KDM5B: variants seen among roughly 807,000 people sequenced by gnomAD.
The protein encoded by KDM5B is lysine-specific demethylase 5B.
In KDM5B, 144 loss-of-function variants were observed where a neutral mutation model predicts 193.4. That is an observed-to-expected ratio of 0.74 (90% CI 0.65 to 0.86). The LOEUF is 0.86. KDM5B is among the 40% of genes least tolerant of loss of function. KDM5B has a pLI of 0.00. For missense variants in KDM5B, 1,833 were observed against 1,886.9 expected (o/e 0.97, Z 0.53); for synonymous variants, 668 against 682.6 (o/e 0.98, Z 0.33).
Position 202,742,463 on chromosome 1 carries a change from C to T in KDM5B, c.2517G>A (p.Val839=). The T allele has an allele frequency of 6.2e-7, 1 of 1,614,140 alleles. No individual in the cohort carries two copies. The highest frequency in any genetic ancestry group is 8.5e-7 in the Non-Finnish European group (1 of 1,180,044). ...GGGKSQNQLT[V]NELRQFVTQL... The stretch of plus-strand genomic sequence containing the variant: ...GTGTTACAAACTGCCGGAGCTCATT[C>T]ACTGTCAACTGATTTTGGGATTTCC... Residue 839 remains valine (V), a synonymous_variant, in exon 18 of 27, where the codon GTG becomes GTA. Coordinates refer to ENST00000367265, the MANE Select transcript of KDM5B (RefSeq NM_006618.5).
At chr1:202,732,489 A>T (rs1434840842) in intron 23 of KDM5B, among the ~76,000 whole-genome samples, 2 of 152,180 alleles carry the variant, frequency 1.3e-5, no homozygotes, top group African/African-American at 4.8e-5. Context: ...CAATGACTCC[A>T]CTTTGGGAGT....
chr1:202,786,860 A>C (rs1411614089), intron 1 of KDM5B, among the ~76,000 whole-genome samples: 1 of 152,136 alleles, frequency 6.6e-6, no homozygotes, highest in Non-Finnish European at 1.5e-5. Context: ...CAGCCTGACC[A>C]ACATGCAGAA....
chr1:202,760,324 A>G, intron 8 of KDM5B, 91 bp downstream of exon 8: 3 of 902,272 alleles, frequency 3.3e-6, no homozygotes, highest in Non-Finnish European at 4.9e-6. Flanking sequence ...TAAAAAAAAT[A>G]AAATAAAATA....
In KDM5B at chr1:202,729,771, TC is replaced by T; in HGVS notation, c.4432del (p.Glu1478LysfsTer13). 6.2e-7 allele frequency: 1 copy of T among 1,614,056 alleles called. No individual in the cohort carries two copies. The highest frequency in any genetic ancestry group is 8.5e-7 in the Non-Finnish European group (1 of 1,179,904). ...LPSDTSYSEQ[E>X]DSEDEDAICP... ...GATGGCATCTTCATCCTCAGAGTCTTCCTGTTCGGAATAGGATGTGTCTGAG... is the reference window on the plus strand; with the variant it reads ...GATGGCATCTTCATCCTCAGAGTCTTCTGTTCGGAATAGGATGTGTCTGAG... On this transcript the variant is annotated frameshift_variant, in exon 26 of 27. Transcript: ENST00000367265. LOFTEE classifies it high-confidence loss of function.
intron 20 of KDM5B, 96 bp downstream of exon 20, chr1:202,740,578 C>A (rs541660515): frequency 1.2e-5 from 13 of 1,127,740 alleles, no homozygotes; most frequent in African/African-American, 1.8e-5. Context: ...CTGGCCGGGT[C>A]GGGGGCTGAC....
At position 202,774,526 on chromosome 1, in the gene KDM5B, C is replaced by T. The variant is rs1167915472; in HGVS notation, c.405+87G>A. 5.4e-6 allele frequency: 7 copies of T among 1,297,034 alleles called. No homozygotes were observed. In the African/African-American group the frequency reaches 7.4e-5, roughly 14 times the overall value. The allele number at this position is 1,297,034 out of a possible 1,614,324, so 80.3% of individuals were successfully genotyped here. On this transcript the variant is annotated intron_variant, in intron 3 of 26. Transcript: ENST00000367265. ...TACAGGTGCGAGCCACCTGGCTGAG[C>T]AATAAGTTCCTTTTTAAGGCAAAGA...
At chr1:202,762,873 C>T in intron 6 of KDM5B, 65 bp from the exon 7 acceptor site, 1 of 793,696 alleles carries the variant, frequency 1.3e-6, no homozygotes, top group Non-Finnish European at 2.2e-6. Flanking sequence ...TCATCTCCCT[C>T]CCAAAGCACA....
Position 202,773,179 on chromosome 1 carries a change from CT to C in KDM5B, c.514del (p.Arg172GlufsTer20). The C allele has an allele frequency of 6.2e-7, 1 of 1,613,850 alleles. No homozygotes were observed. The highest frequency in any genetic ancestry group is 8.5e-7 in the Non-Finnish European group (1 of 1,179,714). On this transcript the variant is annotated frameshift_variant, in exon 4 of 27. Transcript: ENST00000367265. LOFTEE classifies it high-confidence loss of function. ...GTTGAGAATTCGTTCATAATGCCCTCTGATATGTGAGCCCACTGCTTTGCCA... is the reference window on the plus strand; with the variant it reads ...GTTGAGAATTCGTTCATAATGCCCTCGATATGTGAGCCCACTGCTTTGCCA... ...APGKAVGSHI[R>X]GHYERILNPY...
intron 2 of KDM5B, 102 bp from the exon 3 acceptor site, chr1:202,774,837 T>C: frequency 1.8e-6 from 2 of 1,115,838 alleles, no homozygotes; most frequent in South Asian, 1.5e-5. Flanking sequence ...ACAATACCAC[T>C]TAAAAAAATT....
rs1432665438 is a variant in KDM5B at position 202,753,037 on chromosome 1, T to C, written c.1569A>G (p.Pro523=). 4 of 1,614,012 alleles carry C rather than the reference T, an allele frequency of 2.5e-6. No individual in the cohort carries two copies. Among genetic ancestry groups the C allele is most frequent in the African/African-American group, 1.3e-5 (1 of 75,024 alleles). The change falls in exon 12 of 27, where the codon CCA becomes CCG. Residue 523 remains proline (P), a synonymous_variant. Coordinates refer to ENST00000367265, the MANE Select transcript of KDM5B (RefSeq NM_006618.5). ...WGEPKTWYGV[P]GYAAEQLENV... is the part of the protein sequence containing the mutation. ...TTTCTAGCTGCTCAGCAGCATACCC[T>C]GGGACTCCATACCAGGTTTTTGGCT... is the stretch of plus-strand genomic sequence containing the variant.
intron 1 of KDM5B, among the ~76,000 whole-genome samples, chr1:202,799,390 G>A (rs993581433): frequency 5.9e-5 from 9 of 151,858 alleles, no homozygotes; most frequent in Non-Finnish European, 1.0e-4. Context: ...GCGGTGGCTC[G>A]CGCCTGTAAT....
intron 1 of KDM5B, among the ~76,000 whole-genome samples, chr1:202,777,506 T>C (rs1285528780): frequency 2.0e-5 from 3 of 150,962 alleles, no homozygotes; most frequent in Admixed American, 2.0e-4. Flanking sequence ...TTAATTTTTT[T>C]TTTTTGAGAT....
At chr1:202,736,495 TC>T in intron 20 of KDM5B, 103 bp from the exon 21 acceptor site, 2 of 770,940 alleles carry the variant, frequency 2.6e-6, no homozygotes, top group Non-Finnish European at 3.8e-6. Context: ...TTCAGATTAC[TC>T]CATGATCTCA....
In KDM5B at chr1:202,729,090, T is replaced by C. The variant is rs1019718967; in HGVS notation, c.4581A>G (p.Lys1527=). The C allele has an allele frequency of 1.2e-5, 20 of 1,614,032 alleles. No homozygotes were observed. The highest frequency in any genetic ancestry group is 6.7e-5 in the Admixed American group (4 of 59,988). ...TACAGCGCACACAGATGTAGTCTTC[T>C]TTCTCTGCCATCTCTGGGGAGACAC... The part of the protein sequence containing the change: ...CVGVSPEMAE[K]EDYICVRCTV... The change falls in exon 27 of 27, where the codon AAA becomes AAG. Residue 1527 remains lysine (K), a synonymous_variant. Transcript: ENST00000367265.
rs1558505304 is a variant in KDM5B at position 202,773,123 on chromosome 1, G to C, written c.571C>G (p.Leu191Val). ...PYNLFLSGDS[L>V]RCLQKPNLTT... ...AGGCTAGCCCCCAAACTTACCCTTA[G>C]GCTGTCTCCGGACAGGAATAAGTTG... The change falls in exon 4 of 27, where the codon CTA becomes GTA. Residue 191 changes from leucine (L) to valine (V), a missense_variant. By Grantham distance (32) the Leu-to-Val change is conservative. Transcript: ENST00000367265. The C allele has an allele frequency of 1.2e-6, 2 of 1,609,714 alleles. No individual in the cohort carries two copies. Among genetic ancestry groups the C allele is most frequent in the African/African-American group, 1.3e-5 (1 of 74,812 alleles).
intron 16 of KDM5B, among the ~76,000 whole-genome samples, chr1:202,744,943 T>C (rs184994688): frequency 2.0e-5 from 3 of 152,298 alleles, no homozygotes; most frequent in Non-Finnish European, 2.9e-5. Context: ...ATGTGGTACA[T>C]ATACACCATG....
Position 202,741,470 on chromosome 1 carries a change from G to A in KDM5B, c.2842C>T (p.Leu948=), listed in dbSNP as rs1339896174. The change falls in exon 19 of 27, where the codon CTG becomes TTG. Residue 948 remains leucine, a synonymous_variant. Coordinates refer to ENST00000367265, the MANE Select transcript of KDM5B (RefSeq NM_006618.5). The part of the protein sequence containing the change: ...MRRLIDLGVG[L]APYSAVEKAM... ...TTCTCCACTGCTGAATACGGGGCCA[G>A]CCCTACCCCTAGGTCTATGAGACGT... 2 of 1,614,096 alleles carry A rather than the reference G, an allele frequency of 1.2e-6. No individual in the cohort carries two copies. The highest frequency in any genetic ancestry group is 1.7e-6 in the Non-Finnish European group (2 of 1,179,932).
At position 202,808,005 on chromosome 1, in the gene KDM5B, G is replaced by A. The variant is rs372170817; in HGVS notation, c.204+97C>T. On this transcript the variant is annotated intron_variant, in intron 1 of 26. Coordinates refer to ENST00000367265, the MANE Select transcript of KDM5B (RefSeq NM_006618.5). Reference sequence around the variant, plus strand: ...ACTTGACGAGGCCGGCGGGGCGACCGGCTCCCCGCCCCCCGCGCCTCGGGC... The same window carrying A: ...ACTTGACGAGGCCGGCGGGGCGACCAGCTCCCCGCCCCCCGCGCCTCGGGC... 3.9e-6 allele frequency: 5 copies of A among 1,267,046 alleles called. No homozygotes were observed. In the Middle Eastern group the frequency reaches 8.1e-4, roughly 206 times the overall value. The allele number at this position is 1,267,046 out of a possible 1,614,324, so 78.5% of individuals were successfully genotyped here. A position where few individuals can be genotyped will look rare whatever the true frequency, so the allele number is the denominator to read the frequency against.
At position 202,755,319 on chromosome 1, in the gene KDM5B, C is replaced by T; in HGVS notation, c.1490G>A (p.Cys497Tyr). The change falls in exon 11 of 27, where the codon TGT (cysteine) becomes TAT (tyrosine). Residue 497 changes from cysteine to tyrosine, a missense_variant. By Grantham distance (194) the Cys-to-Tyr change is radical. This residue lies in a region of KDM5B where 1,379 missense variants were observed against 1,349.6 expected (regional missense o/e 1.02). Coordinates refer to ENST00000367265, the MANE Select transcript of KDM5B (RefSeq NM_006618.5). ...GCTCCAGTGGTCTTCAATGTGCCAACAGAATGAAGAAAAGCACATTCCCAC... is the reference window on the plus strand; with the variant it reads ...GCTCCAGTGGTCTTCAATGTGCCAATAGAATGAAGAAAAGCACATTCCCAC... Reference protein sequence around the residue: ...LYVGMCFSSFCWHIEDHWSYS... With the variant: ...LYVGMCFSSFYWHIEDHWSYS... The T allele has an allele frequency of 6.2e-7, 1 of 1,614,112 alleles. No homozygotes were observed. The highest frequency in any genetic ancestry group is 8.5e-7 in the Non-Finnish European group (1 of 1,179,980).
Sources: allele counts gnomAD v4.1 joint callset (sites outside exome capture counted in the v4.1 genomes callset), GRCh38; gene constraint gnomAD v4.1.1; regional missense constraint gnomAD v4.1.1; transcripts MANE v1.5; gene names NCBI Gene and HGNC (gene_info 2026-07-23, HGNC 2026-07-21).